Variants in SLC5A11 observed in about 807,000 individuals in gnomAD.
The protein encoded by SLC5A11 is sodium/myo-inositol cotransporter 2.
SLC5A11 carries 48 observed loss-of-function variants against 69.8 expected under a neutral mutation model. The observed-to-expected ratio is 0.69, with a 90% CI of 0.55 to 0.87. The LOEUF (loss-of-function observed/expected upper bound fraction) is 0.87. Ranked by LOEUF, SLC5A11 falls within the 40% of genes least tolerant of loss-of-function variation. SLC5A11 has a pLI of 0.00. For synonymous variants in SLC5A11, 319 were observed against 342.4 expected (o/e 0.93, Z 0.75); for missense variants, 784 against 866.1 (o/e 0.91, Z 1.19).
At chr16:24,900,644 G>A (rs2049511839) in intron 10 of SLC5A11, among the ~76,000 whole-genome samples, 1 of 152,194 alleles carries the variant, frequency 6.6e-6, no homozygotes, top group Non-Finnish European at 1.5e-5. Flanking sequence ...CAGGTGCAGT[G>A]GCTCACGCCT....
At chr16:24,909,178 G>A in intron 14 of SLC5A11, 82 bp downstream of exon 15, 1 of 1,438,346 alleles carries the variant, frequency 7.0e-7, no homozygotes, top group Non-Finnish European at 9.6e-7. Flanking sequence ...CTTAAGCGAA[G>A]GAGACTGATT....
At chr16:24,872,101 C>A in intron 4 of SLC5A11, 59 bp from the exon 6 acceptor site, 1 of 1,608,794 alleles carries the variant, frequency 6.2e-7, no homozygotes, top group South Asian at 1.1e-5. Flanking sequence ...AGAGGGAAAT[C>A]CAAATGGGTA....
chr16:24,902,593 G>C (rs1003981511), intron 10 of SLC5A11, among the ~76,000 whole-genome samples: 2 of 148,562 alleles, frequency 1.3e-5, no homozygotes, highest in African/African-American at 5.0e-5. Context: ...TGTTGCCCAG[G>C]CTGGAGTGCA....
chr16:24,881,204 T>TA (rs879333733), intron 7 of SLC5A11, among the ~76,000 whole-genome samples: 142 of 138,818 alleles, frequency 1.0e-3, no homozygotes, highest in South Asian at 3.3e-3. Context: ...AAACTCAAAT[T>TA]AAAAAAAAAA....
chr16:24,848,539 G>A (rs8063543), intron 1 of SLC5A11, among the ~76,000 whole-genome samples: 7,675 of 152,234 alleles, frequency 0.05, 585 homozygotes, highest in East Asian at 0.34. Flanking sequence ...TGAGCCCATG[G>A]GGTTGAGGCT....
At chr16:24,846,165 G>A (rs1038985649) in exon 1 of SLC5A11, 8 of 152,518 alleles carry the variant, frequency 5.2e-5, no homozygotes, top group African/African-American at 1.9e-4. Flanking sequence ...CAAGGGTCCT[G>A]GGCTGGGCCC....
chr16:24,862,717 T>G (rs764606614), intron 3 of SLC5A11, 45 bp downstream of exon 4: 2 of 1,551,884 alleles, frequency 1.3e-6, no homozygotes, highest in Non-Finnish European at 8.9e-7. Context: ...TAAAGAATCT[T>G]CAAGTGCTGG....
intron 14 of SLC5A11, 151 bp from the exon 16 acceptor site, chr16:24,910,155 T>G (rs533170840): frequency 1.6e-6 from 1 of 637,936 alleles, no homozygotes; most frequent in Admixed American, 3.2e-5. Context: ...AGGAACATGA[T>G]GCTTGTTGGA....
At chr16:24,898,002 A>G in exon 10 of SLC5A11, 3 of 1,614,160 alleles carry the variant, frequency 1.9e-6, no homozygotes, top group Non-Finnish European at 2.5e-6. Context: ...CTGGCTGCCA[A>G]GAACCTGTCC....
intron 5 of SLC5A11, among the ~76,000 whole-genome samples, chr16:24,873,627 C>T (rs1252031477): frequency 1.3e-5 from 2 of 151,100 alleles, no homozygotes; most frequent in African/African-American, 2.4e-5. Flanking sequence ...TGTACCACTG[C>T]ACTCCAGCCT....
intron 1 of SLC5A11, among the ~76,000 whole-genome samples, chr16:24,853,955 C>T (rs901924189): frequency 2.6e-5 from 4 of 152,222 alleles, no homozygotes; most frequent in East Asian, 1.9e-4. Context: ...CTGTCTCCAC[C>T]GTGAAGATGG....
chr16:24,869,935 G>A (rs1369445886), exon 4 of SLC5A11: 8 of 1,614,182 alleles, frequency 5.0e-6, no homozygotes, highest in Non-Finnish European at 6.8e-6. Context: ...AATGTTGGAA[G>A]TGGACATTTC....
intron 13 of SLC5A11, among the ~76,000 whole-genome samples, chr16:24,908,587 G>C (rs917417151): frequency 3.0e-5 from 3 of 100,152 alleles, no homozygotes; most frequent in Non-Finnish European, 5.4e-5. Context: ...GACAGAGTGA[G>C]ACTGTCTCAA....
At chr16:24,908,193 G>A in intron 13 of SLC5A11, 62 bp downstream of exon 14, 1 of 1,502,384 alleles carries the variant, frequency 6.7e-7, no homozygotes, top group Non-Finnish European at 8.9e-7. Flanking sequence ...ACTGGGATAG[G>A]ATGGGAGGGG....
chr16:24,850,812 GT>G (rs753805429), intron 1 of SLC5A11, among the ~76,000 whole-genome samples: 289 of 145,658 alleles, frequency 2.0e-3, no homozygotes, highest in Non-Finnish European at 3.1e-3. Flanking sequence ...AAGTTTATTC[GT>G]TTTTTTTTTT....
At chr16:24,899,586 C>T (rs274095) in intron 10 of SLC5A11, among the ~76,000 whole-genome samples, 33,526 of 151,704 alleles carry the variant, frequency 0.22, 4,185 homozygotes, top group South Asian at 0.42. Flanking sequence ...GTATTTTTAG[C>T]AGAGATGGGG....
chr16:24,847,570 G>A (rs59050678), intron 1 of SLC5A11, among the ~76,000 whole-genome samples: 169 of 152,056 alleles, frequency 1.1e-3, no homozygotes, highest in African/African-American at 3.7e-3. Context: ...TGCCTTGGCT[G>A]GTCTCAATCT....
intron 8 of SLC5A11, among the ~76,000 whole-genome samples, chr16:24,888,800 T>TTC (rs1486213182): frequency 2.5e-5 from 3 of 119,636 alleles, no homozygotes; most frequent in Non-Finnish European, 5.2e-5. Context: ...TTTTTTTTTT[T>TTC]TTTTTTTTTT....
At chr16:24,852,115 T>C (rs1482413197) in intron 1 of SLC5A11, among the ~76,000 whole-genome samples, 2 of 152,094 alleles carry the variant, frequency 1.3e-5, no homozygotes, top group Non-Finnish European at 2.9e-5. Flanking sequence ...GTGCTTTGGC[T>C]TCATGCTATA....
Sources: allele counts gnomAD v4.1 joint callset (sites outside exome capture counted in the v4.1 genomes callset), GRCh38; gene constraint gnomAD v4.1.1; transcripts MANE v1.5; gene names NCBI Gene and HGNC (gene_info 2026-07-23, HGNC 2026-07-21).